The following NLGN1 variants were observed in gnomAD, a reference collection of about 807,000 sequenced individuals.
NLGN1 encodes the protein neuroligin-1.
Under a neutral mutation model 65.5 loss-of-function variants are expected in NLGN1, and 12 were observed. The ratio of observed to expected loss-of-function variants is 0.18; its 90% CI spans 0.12 to 0.30. NLGN1 has a LOEUF of 0.30. NLGN1 is among the 10% of genes least tolerant of loss of function. NLGN1 has a pLI of 1.00. For missense variants in NLGN1, 750 were observed against 1,007.1 expected, an observed-to-expected ratio of 0.74 and a Z score of 3.46; for synonymous variants, 350 against 359.5, an observed-to-expected ratio of 0.97 and a Z score of 0.30.
chr3:174,275,622 TGA>T, intron 5 of NLGN1, 95 bp downstream of exon 5: 1 of 748,790 alleles, frequency 1.3e-6, no homozygotes, highest in East Asian at 2.6e-5. Flanking sequence ...CTGTTCAAAC[TGA>T]GTGTTAGGTT....
chr3:173,797,407 G>T (rs893952442), intron 3 of NLGN1, among the ~76,000 whole-genome samples: 2 of 151,792 alleles, frequency 1.3e-5, no homozygotes, highest in African/African-American at 4.8e-5. Context: ...TCGTACTATG[G>T]GAAAAAACTT....
intron 2 of NLGN1, among the ~76,000 whole-genome samples, chr3:173,442,932 G>C (rs1719463434): frequency 6.6e-6 from 1 of 152,100 alleles, no homozygotes; most frequent in African/African-American, 2.4e-5. Flanking sequence ...ATAGTACTAA[G>C]TAAATATAAT....
chr3:173,987,359 A>G (rs1720173754), intron 4 of NLGN1, among the ~76,000 whole-genome samples: 1 of 152,214 alleles, frequency 6.6e-6, no homozygotes, highest in Non-Finnish European at 1.5e-5. Context: ...TCAAGATCTG[A>G]GGAAATCAAC....
At chr3:173,529,649 A>T (rs1338206630) in intron 2 of NLGN1, among the ~76,000 whole-genome samples, 1 of 152,178 alleles carries the variant, frequency 6.6e-6, no homozygotes, top group African/African-American at 2.4e-5. Flanking sequence ...GCCACAGTGC[A>T]GCTGAATGCC....
intron 3 of NLGN1, among the ~76,000 whole-genome samples, chr3:173,773,813 TA>T (rs1451150058): frequency 1.3e-5 from 2 of 152,110 alleles, no homozygotes; most frequent in Non-Finnish European, 2.9e-5. Flanking sequence ...TGCTATGAAG[TA>T]AACAAAACAT....
intron 4 of NLGN1, among the ~76,000 whole-genome samples, chr3:173,863,117 A>G (rs1234095960): frequency 6.6e-6 from 1 of 152,040 alleles, no homozygotes; most frequent in Non-Finnish European, 1.5e-5. Context: ...AGAGATAGCA[A>G]TGTGAGCGAT....
chr3:173,596,508 A>T (rs1749513712), intron 2 of NLGN1, among the ~76,000 whole-genome samples: 1 of 152,200 alleles, frequency 6.6e-6, no homozygotes, highest in South Asian at 2.1e-4. Context: ...CAGTTTAATT[A>T]TCTGTTACAA....
intron 4 of NLGN1, among the ~76,000 whole-genome samples, chr3:174,012,838 A>G (rs758338973): frequency 3.6e-4 from 55 of 152,190 alleles, no homozygotes; most frequent in Non-Finnish European, 5.4e-4. Context: ...CAAGTGATAT[A>G]GTAGACATGT....
intron 4 of NLGN1, among the ~76,000 whole-genome samples, chr3:173,883,568 TCA>T (rs1261554183): frequency 6.6e-6 from 1 of 152,164 alleles, no homozygotes; most frequent in East Asian, 1.9e-4. Context: ...CCACAAATCT[TCA>T]GTTTATATAA....
At chr3:174,267,151 A>G (rs1456444285) in intron 4 of NLGN1, among the ~76,000 whole-genome samples, 2 of 152,228 alleles carry the variant, frequency 1.3e-5, no homozygotes, top group Non-Finnish European at 2.9e-5. Flanking sequence ...TTGTGTCGCT[A>G]TAAAGGAATA....
intron 2 of NLGN1, among the ~76,000 whole-genome samples, chr3:173,438,022 A>ATT (rs11387228): frequency 4.0e-5 from 6 of 151,450 alleles, no homozygotes; most frequent in South Asian, 2.1e-4. Context: ...GTTACTTTGG[A>ATT]TTTTTTTTTA....
At chr3:173,677,971 A>G (rs1763399751) in intron 3 of NLGN1, among the ~76,000 whole-genome samples, 1 of 152,080 alleles carries the variant, frequency 6.6e-6, no homozygotes, top group Admixed American at 6.6e-5. Context: ...ATTTTCAGTT[A>G]TCTATAGTTT....
exon 7 of NLGN1, chr3:174,284,889 G>A (rs1225885089): frequency 4.0e-5 from 6 of 151,046 alleles, no homozygotes; most frequent in African/African-American, 7.3e-5. Flanking sequence ...CTTTATTTCC[G>A]ACTTCCTGAT....
chr3:173,543,754 T>C (rs1739288112), intron 2 of NLGN1, among the ~76,000 whole-genome samples: 1 of 152,136 alleles, frequency 6.6e-6, no homozygotes, highest in Non-Finnish European at 1.5e-5. Context: ...TCTGTGCTAG[T>C]CAGTATAGTA....
chr3:173,901,889 A>G (rs967029976), intron 4 of NLGN1, among the ~76,000 whole-genome samples: 1 of 152,058 alleles, frequency 6.6e-6, no homozygotes, highest in Admixed American at 6.6e-5. Flanking sequence ...ACAACATTAC[A>G]CTGTATATAT....
Position 173,624,930 on chromosome 3 carries a change from G to A in NLGN1, c.493+19839G>A, listed in dbSNP as rs182428145. On this transcript the variant is annotated intron_variant, in intron 3 of 6. Transcript: ENST00000457714. ...AGTTCCTAAAAGACTTGGGATGATG[G>A]TGAGAGTCTTCTTGAACTTTAACTT... Among the ~76,000 whole-genome samples the A allele has an allele frequency of 2.3e-3, 349 of 151,940 alleles. 6 individuals are homozygous for A. Among genetic ancestry groups the A allele is most frequent in the Non-Finnish European group, 3.3e-3 (221 of 67,950 alleles).
chr3:173,912,047 G>A (rs1165931141), intron 4 of NLGN1, among the ~76,000 whole-genome samples: 2 of 152,048 alleles, frequency 1.3e-5, no homozygotes. Flanking sequence ...AAGAAATCTG[G>A]TTGTATGAAA....
intron 4 of NLGN1, among the ~76,000 whole-genome samples, chr3:173,857,584 TA>T (rs769628188): frequency 6.6e-6 from 1 of 150,800 alleles, no homozygotes; most frequent in Non-Finnish European, 1.5e-5. Context: ...AACCCACTAA[TA>T]CAAAAAAAAA....
At chr3:174,002,201 C>T (rs1723438207) in intron 4 of NLGN1, among the ~76,000 whole-genome samples, 1 of 152,106 alleles carries the variant, frequency 6.6e-6, no homozygotes, top group Non-Finnish European at 1.5e-5. Context: ...GATCTCAGCT[C>T]AGTGCAGCCT....
Sources: gnomAD v4.1 joint callset for allele counts (sites outside exome capture counted in the v4.1 genomes callset) on GRCh38, gnomAD v4.1.1 for gene constraint, MANE v1.5 for transcripts, NCBI Gene and HGNC (gene_info 2026-07-23, HGNC 2026-07-21) for gene names.